Variants in ITGB1 observed in about 807,000 individuals in gnomAD.
ITGB1 encodes integrin beta-1.
Under a neutral mutation model 86.5 loss-of-function variants are expected in ITGB1, and 24 were observed. That is an observed-to-expected ratio of 0.28 (90% confidence interval 0.20 to 0.39). The LOEUF is 0.39. Ranked by LOEUF, ITGB1 falls within the 10% of genes least tolerant of loss-of-function variation. The pLI is 1.00. For missense variants in ITGB1, 556 were observed against 946.9 expected (o/e 0.59, Z 5.42); for synonymous variants, 323 against 316.8 (o/e 1.02, Z -0.21).
chr10:32,935,568 A>G lies in ITGB1; in HGVS notation c.1-10T>C. On this transcript the variant is annotated splice_polypyrimidine_tract_variant and intron_variant, in intron 1 of 15. Transcript: ENST00000302278. ...TTGGTTGTAAATTCATCTGAAATGT[A>G]AAATGTGCCTTATATTAGTTATAAA... The G allele has an allele frequency of 2.5e-6, 4 of 1,585,716 alleles. No individual in the cohort carries two copies. The highest frequency in any genetic ancestry group is 3.5e-6 in the Non-Finnish European group (4 of 1,154,318).
At chr10:32,954,462 T>C (rs1414024551) in intron 1 of ITGB1, among the ~76,000 whole-genome samples, 2 of 152,288 alleles carry the variant, frequency 1.3e-5, no homozygotes, top group East Asian at 3.9e-4. Context: ...CACTCACCTT[T>C]ATCAGCAAAA....
At chr10:32,910,104 A>C in intron 14 of ITGB1, 119 bp downstream of exon 14, 1 of 681,970 alleles carries the variant, frequency 1.5e-6, no homozygotes. Context: ...GAGATGAAAA[A>C]TTTCCCAACT....
At chr10:32,921,997 T>C (rs1414126406) in intron 9 of ITGB1, among the ~76,000 whole-genome samples, 1 of 152,224 alleles carries the variant, frequency 6.6e-6, no homozygotes, top group Non-Finnish European at 1.5e-5. Flanking sequence ...CAAGGAGATC[T>C]ATTCCTTAAT....
chr10:32,926,198 T>A, intron 5 of ITGB1, 89 bp from the exon 6 acceptor site: 1 of 992,674 alleles, frequency 1.0e-6, no homozygotes, highest in Non-Finnish European at 1.5e-6. Flanking sequence ...TTCATCTATG[T>A]TACCAAATGT....
intron 1 of ITGB1, among the ~76,000 whole-genome samples, chr10:32,936,631 C>A (rs2095002933): frequency 6.6e-6 from 1 of 151,870 alleles, no homozygotes; most frequent in African/African-American, 2.4e-5. Context: ...ATACAACTAC[C>A]CCAATTTCCT....
chr10:32,926,762 T>G (rs1212238567), intron 5 of ITGB1, among the ~76,000 whole-genome samples: 1 of 152,182 alleles, frequency 6.6e-6, no homozygotes, highest in Non-Finnish European at 1.5e-5. Flanking sequence ...ACTCCTACAG[T>G]GACCTCATCA....
chr10:32,947,297 T>TG (rs1555222155), intron 1 of ITGB1, among the ~76,000 whole-genome samples: 1 of 147,664 alleles, frequency 6.8e-6, no homozygotes, highest in African/African-American at 2.5e-5. Flanking sequence ...TTTCATTAAA[T>TG]AAAAAAAAAA....
intron 1 of ITGB1, among the ~76,000 whole-genome samples, chr10:32,954,642 G>C (rs1345531878): frequency 1.3e-5 from 2 of 152,164 alleles, no homozygotes; most frequent in African/African-American, 4.8e-5. Context: ...ATACTTCAGT[G>C]AGTCTTTTTA....
chr10:32,931,369 C>G (rs1375466142), intron 3 of ITGB1, among the ~76,000 whole-genome samples: 1 of 152,122 alleles, frequency 6.6e-6, no homozygotes, highest in Non-Finnish European at 1.5e-5. Context: ...AAACTGTAGT[C>G]CCCATAAAAT....
At chr10:32,913,475 T>A (rs1462159388) in intron 11 of ITGB1, among the ~76,000 whole-genome samples, 1 of 152,128 alleles carries the variant, frequency 6.6e-6, no homozygotes, top group African/African-American at 2.4e-5. Flanking sequence ...AGACCTTAAA[T>A]GACCTGATGG....
At chr10:32,934,312 A>G (rs188752414) in intron 2 of ITGB1, among the ~76,000 whole-genome samples, 4 of 152,354 alleles carry the variant, frequency 2.6e-5, no homozygotes, top group Admixed American at 6.5e-5. Flanking sequence ...AATACAGTGT[A>G]AAAGCTATTT....
At position 32,929,947 on chromosome 10, in the gene ITGB1, C is replaced by T. The variant is rs201517778; in HGVS notation, c.251G>A (p.Arg84Lys). 4.4e-5 allele frequency: 66 copies of T among 1,499,814 alleles called. No homozygotes were observed. Among genetic ancestry groups the T allele is most frequent in the Non-Finnish European group, 6.0e-5 (64 of 1,075,492 alleles). 92.9% of individuals were successfully genotyped at this position (1,499,814 alleles called of 1,614,324 possible). A position where few individuals can be genotyped will look rare whatever the true frequency, so the allele number is the denominator to read the frequency against. Reference protein sequence around the residue: ...GCPPDDIENPRGSKDIKKNKN... With the variant: ...GCPPDDIENPKGSKDIKKNKN... Reference sequence around the variant, plus strand: ...ATTTTTCTTTATATCTTTGGAGCCTCTGGGATTTTCTATGTCATCTGGAGG... The same window carrying T: ...ATTTTTCTTTATATCTTTGGAGCCTTTGGGATTTTCTATGTCATCTGGAGG... Residue 84 changes from arginine to lysine, a missense_variant, in exon 4 of 16, where the codon AGA becomes AAA. Physicochemically the swap from Arg to Lys is conservative, Grantham distance 26. Transcript: ENST00000302278.
intron 1 of ITGB1, among the ~76,000 whole-genome samples, chr10:32,941,196 G>A (rs1486430813): frequency 6.6e-6 from 1 of 152,070 alleles, no homozygotes; most frequent in Admixed American, 6.5e-5. Context: ...GAAGTCCCGA[G>A]GCGAATTATA....
chr10:32,909,947 T>A (rs2094907792), intron 14 of ITGB1, among the ~76,000 whole-genome samples: 1 of 152,196 alleles, frequency 6.6e-6, no homozygotes, highest in Non-Finnish European at 1.5e-5. Flanking sequence ...GTGTCAGGCA[T>A]CGTTCTAAGT....
intron 1 of ITGB1, among the ~76,000 whole-genome samples, chr10:32,952,588 CTTAAG>C (rs756456861): frequency 1.3e-5 from 2 of 152,096 alleles, no homozygotes; most frequent in African/African-American, 2.4e-5. Context: ...ATTACGAAAG[CTTAAG>C]TTATTTACAT....
intron 1 of ITGB1, among the ~76,000 whole-genome samples, chr10:32,951,144 G>C (rs1254224163): frequency 6.6e-6 from 1 of 152,088 alleles, no homozygotes; most frequent in Non-Finnish European, 1.5e-5. Context: ...AAAAATAAGA[G>C]AAAATCTAGA....
intron 5 of ITGB1, 66 bp from the exon 6 acceptor site, chr10:32,926,175 A>G (rs2137215242): frequency 8.3e-7 from 1 of 1,211,122 alleles, no homozygotes; most frequent in Non-Finnish European, 1.2e-6. Flanking sequence ...AGAGATTTGC[A>G]TTGTTTAAAA....
intron 1 of ITGB1, among the ~76,000 whole-genome samples, chr10:32,952,174 T>C (rs2095043929): frequency 6.6e-6 from 1 of 152,110 alleles, no homozygotes; most frequent in Non-Finnish European, 1.5e-5. Context: ...AAAGATAAAA[T>C]ATGATCATTA....
rs1159320305 is a variant in ITGB1, at chr10:32,946,751, G to T, written c.1-11193C>A. The stretch of plus-strand genomic sequence containing the variant: ...AATAAGTGGTTTGTATGTATTTCTG[G>T]GGGGGGGGGGGGGATTATTTTCCTT... On this transcript the variant is annotated intron_variant, in intron 1 of 15. Transcript: ENST00000302278. Among the ~76,000 whole-genome samples the T allele has an allele frequency of 1.5e-4, 4 of 27,316 alleles. No homozygotes were observed. In the South Asian group the frequency reaches 0.011, roughly 78 times the overall value. The allele number at this position is 27,316 out of a possible 152,430, so 17.9% of individuals were successfully genotyped here.
Sources: allele counts gnomAD v4.1 joint callset (sites outside exome capture counted in the v4.1 genomes callset), GRCh38; gene constraint gnomAD v4.1.1; transcripts MANE v1.5; gene names NCBI Gene and HGNC (gene_info 2026-07-23, HGNC 2026-07-21).